ENTREP3: variants seen among roughly 807,000 people sequenced by gnomAD.
ENTREP3 encodes the protein protein ENTREP3.
chr1:155,249,915 G>A, the ENTREP3 span, among the ~76,000 whole-genome samples: 1 of 150,738 alleles, frequency 6.6e-6, no homozygotes, highest in African/African-American at 2.4e-5. Context: ...AATATTAGCC[G>A]GTCATGGTGG....
chr1:155,247,489 A>T, the ENTREP3 span: 1 of 660,472 alleles, frequency 1.5e-6, no homozygotes, highest in East Asian at 3.0e-5. Context: ...AATCAGAAAG[A>T]GCCACTCTCA....
At chr1:155,254,296 C>A in the ENTREP3 span, 1 of 1,500,820 alleles carries the variant, frequency 6.7e-7, no homozygotes, top group Non-Finnish European at 9.3e-7. This position sits in a 1 kb window ranked among gnomAD's most constrained non-coding sequence, Gnocchi z 4.4. Flanking sequence ...GCCCACCCGG[C>A]TGGCACCAAC....
the ENTREP3 span, chr1:155,254,275 A>G: frequency 6.7e-7 from 1 of 1,491,008 alleles, no homozygotes; most frequent in Non-Finnish European, 9.4e-7. This position sits in a 1 kb window ranked among gnomAD's most constrained non-coding sequence, Gnocchi z 4.4. Flanking sequence ...CCTCCTTCAC[A>G]GACACTTCGT....
chr1:155,252,770 C>T, the ENTREP3 span: 7 of 98,922 alleles, frequency 7.1e-5, no homozygotes, highest in Admixed American at 1.4e-4. Context: ...TTGCTCTTGT[C>T]GCCCAGGCTG....
At chr1:155,248,970 C>A in the ENTREP3 span, among the ~76,000 whole-genome samples, 1 of 151,996 alleles carries the variant, frequency 6.6e-6, no homozygotes, top group African/African-American at 2.4e-5. Flanking sequence ...CCTGCCTTGG[C>A]CTCCCAAAGT....
the ENTREP3 span, chr1:155,253,555 A>T: frequency 9.5e-7 from 1 of 1,051,776 alleles, no homozygotes; most frequent in Non-Finnish European, 1.4e-6. Context: ...TTGTTCCCTC[A>T]GGCAAGTCTC....
the ENTREP3 span, among the ~76,000 whole-genome samples, chr1:155,248,700 G>A: frequency 2.7e-5 from 4 of 150,756 alleles, no homozygotes; most frequent in East Asian, 1.9e-4. Flanking sequence ...AGTGCTGAGC[G>A]TTCCCCAGTA....
At chr1:155,251,007 G>C in the ENTREP3 span, 1 of 1,369,178 alleles carries the variant, frequency 7.3e-7, no homozygotes, top group Non-Finnish European at 1.0e-6. Context: ...CACCAACTCC[G>C]CCTTGTTTTC....
the ENTREP3 span, chr1:155,254,334 A>T: frequency 6.3e-7 from 1 of 1,576,834 alleles, no homozygotes; most frequent in Non-Finnish European, 8.7e-7. This position sits in a 1 kb window ranked among gnomAD's most constrained non-coding sequence, Gnocchi z 4.4. Flanking sequence ...TCTTGAGGAC[A>T]TAAATGGGCT....
the ENTREP3 span, chr1:155,248,409 A>G: frequency 1.4e-5 from 22 of 1,613,892 alleles, no homozygotes; most frequent in East Asian, 4.7e-4. Context: ...CCTGACCTGT[A>G]TCTGCAGAGG....
At chr1:155,250,610 T>C in the ENTREP3 span, 1 of 1,608,852 alleles carries the variant, frequency 6.2e-7, no homozygotes, top group Non-Finnish European at 8.5e-7. This position sits in a 1 kb window ranked among gnomAD's most constrained non-coding sequence, Gnocchi z 5.4. Flanking sequence ...GGGGGCGCCG[T>C]GGCAGGGGGC....
At chr1:155,252,551 G>A in the ENTREP3 span, among the ~76,000 whole-genome samples, 2 of 142,252 alleles carry the variant, frequency 1.4e-5, no homozygotes, top group African/African-American at 5.3e-5. Flanking sequence ...TGTATTTTTA[G>A]TAGAGATAGG....
the ENTREP3 span, chr1:155,250,488 C>A: frequency 6.7e-7 from 1 of 1,490,460 alleles, no homozygotes; most frequent in Non-Finnish European, 8.9e-7. The surrounding 1 kb of genome is among the most constrained non-coding windows in gnomAD (Gnocchi z 5.4). Flanking sequence ...GAAGCAGGGT[C>A]CCACCCAGGG....
the ENTREP3 span, chr1:155,254,749 G>A: frequency 8.7e-6 from 14 of 1,613,868 alleles, no homozygotes; most frequent in Non-Finnish European, 1.0e-5. This position sits in a 1 kb window ranked among gnomAD's most constrained non-coding sequence, Gnocchi z 4.4. Context: ...GGATGCCCAG[G>A]AGCACTTGGA....
the ENTREP3 span, among the ~76,000 whole-genome samples, chr1:155,252,472 C>T: frequency 4.0e-5 from 6 of 150,880 alleles, no homozygotes; most frequent in East Asian, 2.0e-4. Flanking sequence ...CAGGTTCAAG[C>T]GATTCTCCAG....
At chr1:155,252,711 TATA>T in the ENTREP3 span, 4 of 56,036 alleles carry the variant, frequency 7.1e-5, no homozygotes, top group Non-Finnish European at 9.9e-5. Flanking sequence ...TATATATATA[TATA>T]TATATATATT....
the ENTREP3 span, chr1:155,248,115 G>A: frequency 7.0e-4 from 1,135 of 1,614,034 alleles, no homozygotes; most frequent in Non-Finnish European, 8.7e-4. Context: ...TGGAGGAAAC[G>A]AGTGACCAGG....
the ENTREP3 span, chr1:155,251,784 G>A: frequency 1.1e-4 from 181 of 1,603,398 alleles, no homozygotes; most frequent in Admixed American, 3.0e-4. Flanking sequence ...ATAGTAGGGC[G>A]GTGGGGGCAC....
At chr1:155,250,818 G>A in the ENTREP3 span, 2 of 1,600,750 alleles carry the variant, frequency 1.2e-6, no homozygotes, top group Admixed American at 1.7e-5. This position sits in a 1 kb window ranked among gnomAD's most constrained non-coding sequence, Gnocchi z 5.4. Context: ...GCTGTCCATG[G>A]ACACTGTGGG....
Sources: gnomAD v4.1 joint callset for allele counts (sites outside exome capture counted in the v4.1 genomes callset) on GRCh38, gnomAD v4.1.1 for gene constraint, Gnocchi (gnomAD v3.1) non-coding constraint, MANE v1.5 for transcripts, NCBI Gene and HGNC (gene_info 2026-07-23, HGNC 2026-07-21) for gene names.